The following FOXP1 variants were observed in gnomAD, a reference collection of about 807,000 sequenced individuals.
The protein encoded by FOXP1 is forkhead box protein P1.
FOXP1 carries 15 observed loss-of-function variants against 98.2 expected under a neutral mutation model. That is an observed-to-expected ratio of 0.15 (90% CI 0.10 to 0.24). The LOEUF (loss-of-function observed/expected upper bound fraction) is 0.24, where lower values mean the gene tolerates loss of function less well. FOXP1 is among the 10% of genes least tolerant of loss of function. The probability of loss-of-function intolerance (pLI) is 1.00; values close to 1 mark genes in which losing one functional copy is unlikely to be tolerated. For missense variants in FOXP1, 633 were observed against 848.5 expected (o/e 0.75, Z 3.15); for synonymous variants, 371 against 314.5 (o/e 1.18, Z -1.90).
At position 71,306,407 on chromosome 3, in the gene FOXP1, C is replaced by A. The variant is rs182136583; in HGVS notation, c.-72-6527G>T. Among the ~76,000 whole-genome samples the A allele has an allele frequency of 9.2e-4, 140 of 152,090 alleles. 1 individual carries two copies. The highest frequency in any genetic ancestry group is 2.6e-3 in the Admixed American group (40 of 15,288). On this transcript the variant is annotated intron_variant, in intron 4 of 20. Coordinates refer to ENST00000649528, the MANE Select transcript of FOXP1 (RefSeq NM_001349338.3). ...TTGCATTTCAATCTTTAACATTCAA[C>A]GAATTTTAAACAATCGGTTTGTTTA... is the stretch of plus-strand genomic sequence containing the variant.
chr3:71,040,549 C>G lies in FOXP1; in HGVS notation c.869+779G>C, dbSNP rs112436458. Reference sequence around the variant, plus strand: ...AGAATACCATAACATGAATTAACAGCTTTATTTTCTTAGAACTGCATGCTA... The same window carrying G: ...AGAATACCATAACATGAATTAACAGGTTTATTTTCTTAGAACTGCATGCTA... On this transcript the variant is annotated intron_variant, in intron 11 of 20. Transcript: ENST00000649528. 4.9e-3 allele frequency: 748 copies of G among 152,418 alleles called. 6 individuals are homozygous for G. The highest frequency in any genetic ancestry group is 6.2e-3 in the Non-Finnish European group (423 of 68,142). 9.4% of individuals were successfully genotyped at this position (152,418 alleles called of 1,614,324 possible). A position where few individuals can be genotyped will look rare whatever the true frequency, so the allele number is the denominator to read the frequency against.
chr3:71,094,621 C>T (rs2056277698), intron 7 of FOXP1, among the ~76,000 whole-genome samples: 1 of 152,160 alleles, frequency 6.6e-6, no homozygotes, highest in Non-Finnish European at 1.5e-5. Flanking sequence ...CATGTGCTTC[C>T]CACTAAAAGT....
intron 7 of FOXP1, among the ~76,000 whole-genome samples, chr3:71,107,030 A>C (rs2107706138): frequency 6.6e-6 from 1 of 152,216 alleles, no homozygotes; most frequent in Admixed American, 6.5e-5. Flanking sequence ...CAGCCTCTCA[A>C]AATGCTGGGA....
At chr3:71,270,668 C>G (rs1167537190) in intron 5 of FOXP1, among the ~76,000 whole-genome samples, 1 of 152,200 alleles carries the variant, frequency 6.6e-6, no homozygotes, top group Non-Finnish European at 1.5e-5. Context: ...GGATGGGGCC[C>G]ACCGTGTTTT....
chr3:71,488,532 T>C lies in FOXP1; in HGVS notation c.-168+4894A>G, dbSNP rs74918980. On this transcript the variant is annotated intron_variant, in intron 3 of 20. Transcript: ENST00000649528. ...TTACTACATTACTAATATATTCCAT[T>C]ACCTCCACGTAAATGTCATGTTAAT... is the stretch of plus-strand genomic sequence containing the variant. 5.1e-3 allele frequency among the ~76,000 whole-genome samples: 784 copies of C among 152,308 alleles called. 3 individuals carry two copies. The highest frequency in any genetic ancestry group is 9.1e-3 in the Non-Finnish European group (617 of 68,030).
intron 7 of FOXP1, among the ~76,000 whole-genome samples, chr3:71,080,358 G>T (rs1223617302): frequency 2.0e-5 from 3 of 152,130 alleles, no homozygotes; most frequent in Non-Finnish European, 2.9e-5. Context: ...AGATGAAAAT[G>T]AATCTCTGGA....
At chr3:71,517,094 C>T (rs1216685127) in intron 2 of FOXP1, among the ~76,000 whole-genome samples, 2 of 152,056 alleles carry the variant, frequency 1.3e-5, no homozygotes, top group Non-Finnish European at 2.9e-5. Flanking sequence ...AGAAAACAAC[C>T]CATACTTTAA....
intron 2 of FOXP1, among the ~76,000 whole-genome samples, chr3:71,536,732 G>C (rs748031847): frequency 3.9e-5 from 6 of 152,084 alleles, no homozygotes; most frequent in Non-Finnish European, 8.8e-5. Context: ...GGACTCTGTG[G>C]GAAAGGTTCC....
chr3:71,368,466 T>C (rs1008655519), intron 3 of FOXP1, among the ~76,000 whole-genome samples: 1 of 152,136 alleles, frequency 6.6e-6, no homozygotes. Flanking sequence ...CTTCATGACA[T>C]GCAAAAGTTA....
At chr3:71,156,508 G>C (rs199768911) in intron 6 of FOXP1, among the ~76,000 whole-genome samples, 1 of 64,870 alleles carries the variant, frequency 1.5e-5, no homozygotes, top group African/African-American at 7.5e-5. Context: ...GAGCCTGGGA[G>C]GGGGGGAAAA....
chr3:71,581,545 T>C lies in FOXP1; in HGVS notation c.-298+4A>G, dbSNP rs2048171859. 1.0e-6 allele frequency: 1 copy of C among 985,374 alleles called. No homozygotes were observed. The highest frequency in any genetic ancestry group is 1.2e-6 in the Non-Finnish European group (1 of 829,920). The allele number at this position is 985,374 out of a possible 1,614,324, so 61.0% of individuals were successfully genotyped here. A position where few individuals can be genotyped will look rare whatever the true frequency, so the allele number is the denominator to read the frequency against. On this transcript the variant is annotated splice_donor_region_variant and intron_variant, in intron 2 of 20. Transcript: ENST00000649528. ...ACCCCGCGCCCGCGGCCGCCTCGAC[T>C]TACCCGCGGAGTCCGGGGAGGGAGT...
intron 6 of FOXP1, among the ~76,000 whole-genome samples, chr3:71,185,205 T>G (rs1560081418): frequency 6.6e-6 from 1 of 151,224 alleles, no homozygotes; most frequent in South Asian, 2.1e-4. Flanking sequence ...AAAAAAAAAG[T>G]ATTAGAAACA....
rs10670020 is a variant in FOXP1, at chr3:71,057,291, C to CTTTTTTT, written c.283-3525_283-3519dup. Among the ~76,000 whole-genome samples the CTTTTTTT allele has an allele frequency of 8.0e-4, 6 of 7,492 alleles. 3 individuals carry two copies. Among genetic ancestry groups the CTTTTTTT allele is most frequent in the Non-Finnish European group, 1.8e-3 (4 of 2,184 alleles). The allele number at this position is 7,492 out of a possible 152,430, so 4.9% of individuals were successfully genotyped here. ...TTAAAAGTATTCAGTAAAAACGAAA[C>CTTTTTTT]TTTTTTTTTTTTTTTTTTTTTTTTT... On this transcript the variant is annotated intron_variant, in intron 7 of 20. Transcript: ENST00000649528.
chr3:71,570,868 C>T (rs1015707420), intron 2 of FOXP1: 4 of 152,280 alleles, frequency 2.6e-5, no homozygotes, highest in African/African-American at 7.2e-5. Flanking sequence ...TAAGAGCCAA[C>T]GTGGACGGAC....
chr3:71,080,743 T>A (rs2054318327), intron 7 of FOXP1, among the ~76,000 whole-genome samples: 1 of 152,198 alleles, frequency 6.6e-6, no homozygotes, highest in Non-Finnish European at 1.5e-5. Context: ...CCTCTTTCTC[T>A]TCATTTGTGA....
intron 5 of FOXP1, among the ~76,000 whole-genome samples, chr3:71,233,268 G>A (rs2066484150): frequency 6.9e-6 from 1 of 144,968 alleles, no homozygotes; most frequent in Non-Finnish European, 1.5e-5. Flanking sequence ...GGGGAGGAGA[G>A]AGGAGGGGAG....
intron 4 of FOXP1, among the ~76,000 whole-genome samples, chr3:71,317,321 G>A (rs575495594): frequency 5.9e-5 from 9 of 152,224 alleles, no homozygotes; most frequent in African/African-American, 9.6e-5. Flanking sequence ...ATGACGCCAC[G>A]CTGTCACTTG....
intron 7 of FOXP1, among the ~76,000 whole-genome samples, chr3:71,096,759 A>C (rs1481276599): frequency 6.6e-6 from 1 of 152,210 alleles, no homozygotes; most frequent in Non-Finnish European, 1.5e-5. Context: ...AAATATTCAG[A>C]AGGACGAGAG....
chr3:71,226,548 TTC>T (rs10701218), intron 5 of FOXP1, among the ~76,000 whole-genome samples: 32 of 146,150 alleles, frequency 2.2e-4, no homozygotes, highest in Middle Eastern at 3.5e-3. Flanking sequence ...CTTCCCGGGG[TTC>T]TCTCTCTCTC....
Sources: allele counts gnomAD v4.1 joint callset (sites outside exome capture counted in the v4.1 genomes callset), GRCh38; gene constraint gnomAD v4.1.1; transcripts MANE v1.5; gene names NCBI Gene and HGNC (gene_info 2026-07-23, HGNC 2026-07-21).